VPS8: variants seen among roughly 807,000 people sequenced by gnomAD.
VPS8 encodes the protein VPS8 subunit of CORVET complex.
In VPS8, 129 loss-of-function variants were observed where a neutral mutation model predicts 216.4. That is an observed-to-expected ratio of 0.60 (90% confidence interval 0.52 to 0.69). The LOEUF is 0.69. VPS8 is among the 30% of genes least tolerant of loss of function. The probability of loss-of-function intolerance (pLI) is 0.00; values close to 1 mark genes in which losing one functional copy is unlikely to be tolerated. For synonymous variants in VPS8, 571 were observed against 565.4 expected (o/e 1.01, Z -0.14); for missense variants, 1,531 against 1,683.5 (o/e 0.91, Z 1.59).
In VPS8 at chr3:185,037,891, T is replaced by TC. The variant is rs550150260; in HGVS notation, c.4057-10586dup. Among the ~76,000 whole-genome samples the TC allele has an allele frequency of 7.7e-4, 117 of 152,340 alleles. 1 individual carries two copies. In the South Asian group the frequency reaches 0.016, roughly 21 times the overall value. The stretch of plus-strand genomic sequence containing the variant: ...TTCCTTTACTTTGTAAACCATGCTT[T>TC]CCTTTAGTTCTGTGAGGATATTTAC... On this transcript the variant is annotated intron_variant, in intron 46 of 47. Coordinates refer to ENST00000625842, the MANE Select transcript of VPS8 (RefSeq NM_001009921.3).
Position 185,031,004 on chromosome 3 carries a change from C to T in VPS8, c.4056+6615C>T, listed in dbSNP as rs892868452. On this transcript the variant is annotated intron_variant, in intron 46 of 47. Coordinates refer to ENST00000625842, the MANE Select transcript of VPS8 (RefSeq NM_001009921.3). ...ATAACCAATTCTCAGTCTTGCTGCT[C>T]ATGTCAGCAATATAGACAGCTATAC... Among the ~76,000 whole-genome samples, 30 of 146,690 alleles carry T rather than the reference C, an allele frequency of 2.0e-4. 1 individual carries two copies. The highest frequency in any genetic ancestry group is 6.9e-4 in the African/African-American group (27 of 39,286).
chr3:184,929,480 A>T (rs1740297630), intron 32 of VPS8, 100 bp from the exon 33 acceptor site: 1 of 690,826 alleles, frequency 1.4e-6, no homozygotes, highest in Non-Finnish European at 2.5e-6. Flanking sequence ...ATGAGCCAGG[A>T]CACCTGGCCC....
intron 29 of VPS8, among the ~76,000 whole-genome samples, chr3:184,924,644 A>G (rs1377552821): frequency 6.6e-6 from 1 of 152,174 alleles, no homozygotes; most frequent in Non-Finnish European, 1.5e-5. Context: ...CCGAATTGTG[A>G]TAGAAATAGG....
At chr3:184,899,444 A>T (rs565416337) in intron 24 of VPS8, among the ~76,000 whole-genome samples, 1 of 152,216 alleles carries the variant, frequency 6.6e-6, no homozygotes. Context: ...CTTTAAGCAC[A>T]TTCAGTTTGG....
chr3:184,970,237 A>G (rs1748188219), intron 39 of VPS8, among the ~76,000 whole-genome samples: 1 of 152,032 alleles, frequency 6.6e-6, no homozygotes, highest in Admixed American at 6.5e-5. Flanking sequence ...TTCAATTTTG[A>G]TAGTGTGCTT....
chr3:184,990,478 G>T (rs1751746465), intron 42 of VPS8, among the ~76,000 whole-genome samples: 1 of 152,196 alleles, frequency 6.6e-6, no homozygotes, highest in Admixed American at 6.5e-5. Context: ...CTCACCTAAT[G>T]TCCTTCTATA....
At chr3:185,008,143 C>T (rs1754511908) in intron 45 of VPS8, among the ~76,000 whole-genome samples, 1 of 152,050 alleles carries the variant, frequency 6.6e-6, no homozygotes, top group African/African-American at 2.4e-5. Context: ...CAACATTAAA[C>T]TTATAAATTA....
At chr3:184,942,097 A>C (rs1338181932) in intron 36 of VPS8, among the ~76,000 whole-genome samples, 1 of 152,172 alleles carries the variant, frequency 6.6e-6, no homozygotes, top group Non-Finnish European at 1.5e-5. Context: ...ATTTTTTAAT[A>C]AAAAGCAAAT....
chr3:184,950,377 T>G (rs941494942), intron 36 of VPS8, among the ~76,000 whole-genome samples: 7 of 151,860 alleles, frequency 4.6e-5, no homozygotes, highest in African/African-American at 1.7e-4. Flanking sequence ...GGATTTAGGC[T>G]AAGCCGAAGT....
At chr3:184,862,276 A>G (rs1726526257) in intron 15 of VPS8, among the ~76,000 whole-genome samples, 1 of 152,222 alleles carries the variant, frequency 6.6e-6, no homozygotes, top group African/African-American at 2.4e-5. Flanking sequence ...GATTTTATAC[A>G]TAACCCAAGA....
At chr3:184,856,214 A>G (rs1237290082) in intron 14 of VPS8, among the ~76,000 whole-genome samples, 2 of 152,224 alleles carry the variant, frequency 1.3e-5, no homozygotes, top group African/African-American at 4.8e-5. Context: ...TATACAACAT[A>G]ATTTCATCTT....
intron 45 of VPS8, among the ~76,000 whole-genome samples, chr3:185,019,251 C>T (rs2110049061): frequency 6.6e-6 from 1 of 152,232 alleles, no homozygotes; most frequent in Non-Finnish European, 1.5e-5. Context: ...CTCCGGCGAC[C>T]CTTCAACCCA....
At chr3:184,937,310 C>T (rs1160286930) in intron 35 of VPS8, among the ~76,000 whole-genome samples, 2 of 152,080 alleles carry the variant, frequency 1.3e-5, no homozygotes, top group African/African-American at 4.8e-5. Flanking sequence ...CATGAAGCAC[C>T]ACCCAGAGTC....
At chr3:184,930,637 A>T in intron 34 of VPS8, 69 bp downstream of exon 34, 1 of 1,120,540 alleles carries the variant, frequency 8.9e-7, no homozygotes, top group Non-Finnish European at 1.4e-6. Context: ...CTTTATGCCA[A>T]CGAAGCAATG....
chr3:185,022,946 C>G (rs1008899266), intron 45 of VPS8, among the ~76,000 whole-genome samples: 1 of 151,998 alleles, frequency 6.6e-6, no homozygotes, highest in African/African-American at 2.4e-5. Context: ...AATTCTTTAA[C>G]CACTGTTTTA....
At chr3:185,045,071 A>G (rs6780155) in intron 46 of VPS8, among the ~76,000 whole-genome samples, 79,629 of 151,770 alleles carry the variant, frequency 0.52, 21,843 homozygotes, top group African/African-American at 0.68. Flanking sequence ...AAGAGATACA[A>G]GGAAAGATTT....
chr3:184,908,466 C>T (rs901891218), intron 25 of VPS8, among the ~76,000 whole-genome samples: 1 of 152,234 alleles, frequency 6.6e-6, no homozygotes, highest in African/African-American at 2.4e-5. Context: ...GAGGGGAATG[C>T]AGCAGCACCC....
chr3:184,895,782 C>T (rs78272705), intron 23 of VPS8, among the ~76,000 whole-genome samples: 4,141 of 148,082 alleles, frequency 0.028, 206 homozygotes, highest in African/African-American at 0.099. Flanking sequence ...TAAAGGCATA[C>T]GCTACTGTGC....
intron 8 of VPS8, among the ~76,000 whole-genome samples, chr3:184,845,820 T>C (rs1723020480): frequency 6.6e-6 from 1 of 151,194 alleles, no homozygotes; most frequent in Non-Finnish European, 1.5e-5. Context: ...CTTTATGGAG[T>C]CAAAGTAGAT....
Sources: gnomAD v4.1 joint callset for allele counts (sites outside exome capture counted in the v4.1 genomes callset) on GRCh38, gnomAD v4.1.1 for gene constraint, MANE v1.5 for transcripts, NCBI Gene and HGNC (gene_info 2026-07-23, HGNC 2026-07-21) for gene names.